The following CFAP65 variants were observed in gnomAD, a reference collection of about 807,000 sequenced individuals.
The protein encoded by CFAP65 is cilia and flagella associated protein 65.
In CFAP65, 155 loss-of-function variants were observed where a neutral mutation model predicts 208.0. The ratio of observed to expected loss-of-function variants is 0.75; its 90% CI spans 0.65 to 0.85. The LOEUF (loss-of-function observed/expected upper bound fraction) is 0.85. CFAP65 is among the 40% of genes least tolerant of loss of function. The pLI is 0.00. For synonymous variants in CFAP65, 970 were observed against 986.3 expected (o/e 0.98, Z 0.31); for missense variants, 2,294 against 2,451.3 (o/e 0.94, Z 1.36).
In CFAP65 at chr2:219,030,818, C is replaced by CA. The variant is rs1273275998; in HGVS notation, c.1031dup (p.Leu345AlafsTer51). 1 of 1,613,914 alleles carries CA rather than the reference C, an allele frequency of 6.2e-7. No individual in the cohort carries two copies. The highest frequency in any genetic ancestry group is 8.5e-7 in the Non-Finnish European group (1 of 1,179,880). The stretch of plus-strand genomic sequence containing the variant: ...GGCACTTGTGCTTTATGCTCACCAG[C>CA]AGCTGGGCGCACTTGGCTGGGGCAG... On this transcript the variant is annotated frameshift_variant, in exon 9 of 35. Coordinates refer to ENST00000341552, the MANE Select transcript of CFAP65 (RefSeq NM_194302.4). LOFTEE classifies it high-confidence loss of function.
Position 219,038,560 on chromosome 2 carries a change from G to A in CFAP65, c.172C>T (p.Pro58Ser), listed in dbSNP as rs538013205. Residue 58 changes from proline to serine, a missense_variant, in exon 4 of 35, where the codon CCC (proline) becomes TCC (serine). Pro to Ser is a moderately conservative substitution (Grantham distance 74, BLOSUM62 -1). Around this residue, in one of 2 missense-constraint regions of CFAP65, gnomAD observed 867 missense variants for 1,012.6 expected, o/e 0.86. Coordinates refer to ENST00000341552, the MANE Select transcript of CFAP65 (RefSeq NM_194302.4). The stretch of plus-strand genomic sequence containing the variant: ...ATGTCCTTGGGACACAGTCCAAAGG[G>A]AGCACTCTGAGTATGGAGCTGGGAA... ...SQIKLHTQSA[P>S]FGLCPKDMML... 1.9e-6 allele frequency: 3 copies of A among 1,613,844 alleles called. No individual in the cohort carries two copies. The African/African-American group carries it at 4.0e-5, about 22-fold the overall frequency.
chr2:219,038,484 T>G lies in CFAP65; in HGVS notation c.248A>C (p.Asn83Thr), dbSNP rs763041903. The G allele has an allele frequency of 1.2e-6, 2 of 1,614,106 alleles. No individual in the cohort carries two copies. The highest frequency in any genetic ancestry group is 3.3e-5 in the Admixed American group (2 of 60,030). Residue 83 changes from asparagine (N) to threonine (T), a missense_variant, in exon 4 of 35, where the codon AAC (asparagine) becomes ACC (threonine). By Grantham distance (65) the Asn-to-Thr change is moderately conservative. Coordinates refer to ENST00000341552, the MANE Select transcript of CFAP65 (RefSeq NM_194302.4). ...GGATCCACCAGAGTTCACGGTGTGG[T>G]TCCTGCTGTTCCTGGACCTCACGAC... Reference protein sequence around the residue: ...SSVVRSRNSRNHTVNSGGSCL... With the variant: ...SSVVRSRNSRTHTVNSGGSCL...
rs201818450 is a variant in CFAP65, at chr2:219,027,640, G to A, written c.2211+10C>T. ...ACCCCGCATTCCTCCCTCTCATTGC[G>A]TGCACACACCTTATAGATGGCGAAG... On this transcript the variant is annotated intron_variant, in intron 13 of 34. Coordinates refer to ENST00000341552, the MANE Select transcript of CFAP65 (RefSeq NM_194302.4). The A allele has an allele frequency of 3.8e-5, 62 of 1,613,556 alleles. No homozygotes were observed. The highest frequency in any genetic ancestry group is 6.7e-5 in the African/African-American group (5 of 74,928).
chr2:219,004,092 C>T lies in CFAP65; in HGVS notation c.5415G>A (p.Lys1805=), dbSNP rs73089095. Residue 1805 remains lysine (K), a synonymous_variant, in exon 33 of 35, where the codon AAG becomes AAA. Transcript: ENST00000341552. This position sits in a 1 kb window ranked among gnomAD's most constrained non-coding sequence, Gnocchi z 4.7. The stretch of plus-strand genomic sequence containing the variant: ...TGCCCGCCCAGCTCACTTTCTCTTC[C>T]TTCTCATCCCTCTCCTCCTCCTTCT... The part of the protein sequence containing the change: ...IEEKEEERDE[K]EEKVSWAGIG... The T allele has an allele frequency of 4.6e-4, 735 of 1,613,932 alleles. 5 individuals carry two copies. The African/African-American group carries it at 7.2e-3, about 16-fold the overall frequency.
At chr2:219,024,349 C>A in intron 14 of CFAP65, 89 bp from the exon 15 acceptor site, 1 of 1,496,120 alleles carries the variant, frequency 6.7e-7, no homozygotes, top group Non-Finnish European at 9.0e-7. Flanking sequence ...TTGGGAGGAG[C>A]TGTCTCCAAG....
chr2:219,024,484 G>C (rs868818550), intron 14 of CFAP65, among the ~76,000 whole-genome samples: 2 of 127,270 alleles, frequency 1.6e-5, no homozygotes, highest in Non-Finnish European at 3.2e-5. Context: ...GCGGGGGGGG[G>C]GCAGGGGGGC....
At chr2:219,025,482 C>T (rs911536405) in intron 14 of CFAP65, among the ~76,000 whole-genome samples, 1 of 152,158 alleles carries the variant, frequency 6.6e-6, no homozygotes, top group Non-Finnish European at 1.5e-5. Flanking sequence ...TGGAAGCCGG[C>T]GGTCTGGCCC....
intron 25 of CFAP65, 22 bp downstream of exon 25, chr2:219,010,783 C>T (rs752305971): frequency 4.8e-5 from 76 of 1,592,814 alleles, no homozygotes; most frequent in Non-Finnish European, 6.3e-5. Flanking sequence ...CCACCTCCCA[C>T]GTCATCCAGG....
rs1046702663 is a variant in CFAP65 at position 219,029,792 on chromosome 2, C to T, written c.1385-124G>A. On this transcript the variant is annotated intron_variant, in intron 10 of 34. Coordinates refer to ENST00000341552, the MANE Select transcript of CFAP65 (RefSeq NM_194302.4). The stretch of plus-strand genomic sequence containing the variant: ...AGCCCTGGCAGCCTGAGCAGAACTC[C>T]AGCATCACTGGATGCCAGTGGGACT... 20 of 1,279,554 alleles carry T rather than the reference C, an allele frequency of 1.6e-5. No homozygotes were observed. In the South Asian group the frequency reaches 2.3e-4, roughly 14 times the overall value. The allele number at this position is 1,279,554 out of a possible 1,614,324, so 79.3% of individuals were successfully genotyped here.
chr2:219,014,482 C>T (rs1321100565), intron 21 of CFAP65: 1 of 158,148 alleles, frequency 6.3e-6, no homozygotes, highest in African/African-American at 2.4e-5. Flanking sequence ...GAACAGATGC[C>T]CCAGCAGGGC....
At chr2:219,039,554 GC>G (rs1416276302) in intron 2 of CFAP65, among the ~76,000 whole-genome samples, 1 of 152,082 alleles carries the variant, frequency 6.6e-6, no homozygotes, top group African/African-American at 2.4e-5. Flanking sequence ...ACATGGCACT[GC>G]CCCCCAAAAT....
intron 9 of CFAP65, 141 bp downstream of exon 9, chr2:219,030,548 C>T (rs1402949576): frequency 5.2e-6 from 6 of 1,162,228 alleles, no homozygotes; most frequent in Non-Finnish European, 7.3e-6. Context: ...AAGGACACAC[C>T]TGTTGACAGC....
At chr2:219,027,426 A>AG (rs1947700107) in intron 13 of CFAP65, 1 of 1,508,864 alleles carries the variant, frequency 6.6e-7, no homozygotes, top group African/African-American at 1.4e-5. Flanking sequence ...TCTCCCTTGG[A>AG]GGGGAGGGGA....
rs777131235 is a variant in CFAP65 at position 219,021,781 on chromosome 2, G to A, written c.3129C>T (p.Leu1043=). Residue 1043 remains leucine (L), a splice_region_variant and synonymous_variant, in exon 18 of 35, where the codon CTC becomes CTT. Coordinates refer to ENST00000341552, the MANE Select transcript of CFAP65 (RefSeq NM_194302.4). The part of the protein sequence containing the change: ...GSPEAVDNHP[L]ALQLDRTEGS... ...CAGTCCCAGCTCAGGCCCAAGTACCGAGGGGGTGGTTGTCAACGGCCTCAG... is the reference window on the plus strand; with the variant it reads ...CAGTCCCAGCTCAGGCCCAAGTACCAAGGGGGTGGTTGTCAACGGCCTCAG... The A allele has an allele frequency of 1.4e-5, 22 of 1,613,240 alleles. No homozygotes were observed. In the East Asian group the frequency reaches 2.2e-4, roughly 16 times the overall value.
Position 219,019,558 on chromosome 2 carries a change from C to T in CFAP65, c.3421G>A (p.Glu1141Lys). 1 of 1,613,554 alleles carries T rather than the reference C, an allele frequency of 6.2e-7. No individual in the cohort carries two copies. Among genetic ancestry groups the T allele is most frequent in the Non-Finnish European group, 8.5e-7 (1 of 1,180,022 alleles). The change falls in exon 20 of 35, where the codon GAG becomes AAG. Residue 1141 changes from glutamate to lysine, a missense_variant. By Grantham distance (56) the Glu-to-Lys change is moderately conservative. Coordinates refer to ENST00000341552, the MANE Select transcript of CFAP65 (RefSeq NM_194302.4). ...AGCTCACAGGGGGTGGGGTCACGCT[C>T]CAAGTAACTGTTAAGCAGGTCCAGA... The part of the protein sequence containing the change: ...FSLDLLNSYL[E>K]RDPTPCELTY...
Position 219,023,265 on chromosome 2 carries a change from T to A in CFAP65, c.2762A>T (p.His921Leu). The A allele has an allele frequency of 1.9e-6, 3 of 1,613,144 alleles. No individual in the cohort carries two copies. Among genetic ancestry groups the A allele is most frequent in the African/African-American group, 1.3e-5 (1 of 75,074 alleles). ...GGGCTGGACAGCCAGCAGCTTTCGA[T>A]GCTGCTCAGAGACCCTCCACTCGAA... ...LQFEWRVSEQ[H>L]RKLLAVQPSR... The change falls in exon 16 of 35, where the codon CAT (histidine) becomes CTT (leucine). Residue 921 changes from histidine (H) to leucine (L), a missense_variant. This residue lies in a region of CFAP65 where 1,427 missense variants were observed against 1,438.7 expected (regional missense o/e 0.99). Coordinates refer to ENST00000341552, the MANE Select transcript of CFAP65 (RefSeq NM_194302.4).
In CFAP65 at chr2:219,022,244, G is replaced by A; in HGVS notation, c.2906C>T (p.Pro969Leu). The A allele has an allele frequency of 6.2e-7, 1 of 1,606,596 alleles. No individual in the cohort carries two copies. Among genetic ancestry groups the A allele is most frequent in the South Asian group, 1.1e-5 (1 of 89,400 alleles). The change falls in exon 17 of 35, where the codon CCA (proline) becomes CTA (leucine). Residue 969 changes from proline to leucine, a missense_variant. By Grantham distance (98) the Pro-to-Leu change is moderately conservative. Around this residue, in one of 2 missense-constraint regions of CFAP65, gnomAD observed 1,427 missense variants for 1,438.7 expected, o/e 0.99. Transcript: ENST00000341552. ...GMWVWEAGLS[P>L]NANPAATTHY... is the part of the protein sequence containing the mutation. ...GGTGGTGGCAGCGGGGTTGGCATTT[G>A]GGGACAGGCCGGCTTCCCAGACCCA...
intron 21 of CFAP65, chr2:219,015,461 G>C (rs1410844706): frequency 6.6e-6 from 1 of 152,222 alleles, no homozygotes; most frequent in East Asian, 1.9e-4. Flanking sequence ...GCCTCAGTAG[G>C]AGTCAGGGAG....
At position 219,032,545 on chromosome 2, in the gene CFAP65, C is replaced by G; in HGVS notation, c.570G>C (p.Thr190=). Residue 190 remains threonine (T), a synonymous_variant, in exon 6 of 35, where the codon ACG becomes ACC. Coordinates refer to ENST00000341552, the MANE Select transcript of CFAP65 (RefSeq NM_194302.4). The surrounding 1 kb of genome is among the most constrained non-coding windows in gnomAD (Gnocchi z 5.5). ...TCAGGAAGATGGGCTGAGGGATGACCGTGAAGAAGAACTTGGTCTTGGGGG... is the reference window on the plus strand; with the variant it reads ...TCAGGAAGATGGGCTGAGGGATGACGGTGAAGAAGAACTTGGTCTTGGGGG... ...YRPPKTKFFF[T]VIPQPIFLSP... is the part of the protein sequence containing the mutation. 1 of 1,605,572 alleles carries G rather than the reference C, an allele frequency of 6.2e-7. No homozygotes were observed. Among genetic ancestry groups the G allele is most frequent in the Non-Finnish European group, 8.5e-7 (1 of 1,176,106 alleles).
Sources: allele counts gnomAD v4.1 joint callset (sites outside exome capture counted in the v4.1 genomes callset), GRCh38; gene constraint gnomAD v4.1.1; regional missense constraint gnomAD v4.1.1; non-coding constraint Gnocchi (gnomAD v3.1); transcripts MANE v1.5; gene names NCBI Gene and HGNC (gene_info 2026-07-23, HGNC 2026-07-21).